The following IRAG2 variants were observed in gnomAD, a reference collection of about 807,000 sequenced individuals.
IRAG2 encodes the protein inositol 1,4,5-triphosphate receptor associated 2, also known as lymphoid restricted membrane protein.
Under a neutral mutation model 69.9 loss-of-function variants are expected in IRAG2, and 45 were observed. The ratio of observed to expected loss-of-function variants is 0.64; its 90% CI spans 0.51 to 0.83. IRAG2 has a LOEUF of 0.83. Ranked by LOEUF, IRAG2 falls within the 40% of genes least tolerant of loss-of-function variation. IRAG2 has a pLI of 0.00. For missense variants in IRAG2, 520 were observed against 587.0 expected, an observed-to-expected ratio of 0.89 and a Z score of 1.18; for synonymous variants, 193 against 202.4, an observed-to-expected ratio of 0.95 and a Z score of 0.40.
chr12:25,037,925 C>T (rs927350600), intron 15 of IRAG2: 6 of 398,060 alleles, frequency 1.5e-5, no homozygotes, highest in South Asian at 1.3e-4. Context: ...GTCATTTGTC[C>T]GTGTTTAACA....
the IRAG2 span, among the ~76,000 whole-genome samples, chr12:24,998,746 T>C: frequency 2.0e-5 from 3 of 152,192 alleles, no homozygotes; most frequent in Admixed American, 1.3e-4. Flanking sequence ...GGATCTCACA[T>C]AGATGAATCA....
At chr12:25,028,768 C>A (rs182645038) in intron 9 of IRAG2, among the ~76,000 whole-genome samples, 11 of 152,218 alleles carry the variant, frequency 7.2e-5, no homozygotes, top group Admixed American at 5.2e-4. Context: ...ACTTAAATTT[C>A]TACATTCTGA....
At chr12:25,069,221 T>C in intron 5 of IRAG2, 129 bp from the exon 6 acceptor site, 1 of 526,206 alleles carries the variant, frequency 1.9e-6, no homozygotes, top group Non-Finnish European at 3.4e-6. Context: ...ACTTAAACCA[T>C]GAACTTAATT....
chr12:25,005,015 T>A, intron 1 of IRAG2: 2 of 770,338 alleles, frequency 2.6e-6, no homozygotes, highest in East Asian at 6.8e-5. Context: ...TATTAAAGTT[T>A]GGATGGAATC....
intron 6 of IRAG2, among the ~76,000 whole-genome samples, chr12:25,070,311 T>A (rs540574815): frequency 1.4e-4 from 22 of 152,312 alleles, no homozygotes; most frequent in African/African-American, 5.1e-4. Flanking sequence ...ACCACTAATC[T>A]ACTTTCTGTC....
intron 5 of IRAG2, among the ~76,000 whole-genome samples, chr12:25,067,997 T>A (rs1006531485): frequency 6.6e-6 from 1 of 152,136 alleles, no homozygotes; most frequent in South Asian, 2.1e-4. Flanking sequence ...CTTGCCACCA[T>A]GCCCAGCTGA....
intron 2 of IRAG2, among the ~76,000 whole-genome samples, chr12:25,006,093 A>G (rs773298820): frequency 6.6e-6 from 1 of 152,258 alleles, no homozygotes; most frequent in Non-Finnish European, 1.5e-5. Flanking sequence ...TCTCAAAAGA[A>G]GACATACATG....
upstream of IRAG2, among the ~76,000 whole-genome samples, chr12:25,049,008 TTCCCATTGC>T (rs1201794286): frequency 6.6e-6 from 1 of 152,240 alleles, no homozygotes; most frequent in Non-Finnish European, 1.5e-5. Flanking sequence ...GCACCATTTA[TTCCCATTGC>T]TTGTTTTTGT....
At position 25,079,389 on chromosome 12, in the gene IRAG2, T is replaced by C; in HGVS notation, c.72-9T>C. The C allele has an allele frequency of 6.2e-7, 1 of 1,613,510 alleles. No individual in the cohort carries two copies. The highest frequency in any genetic ancestry group is 8.5e-7 in the Non-Finnish European group (1 of 1,179,454). On this transcript the variant is annotated splice_polypyrimidine_tract_variant and intron_variant, in intron 7 of 21. Transcript: ENST00000556887. ...ACATTCCAAAACATGTTTGCTATCT[T>C]TTTGGCAGGGAATATTCCTCACTAC... is the stretch of plus-strand genomic sequence containing the variant.
chr12:25,007,569 C>T (rs537609048), intron 2 of IRAG2, among the ~76,000 whole-genome samples: 2 of 152,120 alleles, frequency 1.3e-5, no homozygotes, highest in African/African-American at 2.4e-5. Context: ...TCACCTAGGC[C>T]GGAGTGCAGT....
intron 3 of IRAG2, among the ~76,000 whole-genome samples, chr12:25,013,212 C>G (rs113187722): frequency 0.055 from 8,339 of 152,172 alleles, 463 homozygotes; most frequent in African/African-American, 0.15. Context: ...GGTGGTGGCT[C>G]GTGCCTGTAA....
intron 14 of IRAG2, chr12:25,035,905 T>C (rs1464210222): frequency 2.5e-6 from 1 of 397,032 alleles, no homozygotes; most frequent in East Asian, 3.6e-5. Context: ...GAGACCCAAA[T>C]TAATACACTC....
intron 14 of IRAG2, chr12:25,092,888 C>A: frequency 6.3e-6 from 1 of 158,640 alleles, no homozygotes; most frequent in South Asian, 1.8e-4. Context: ...TCCTTAAGTT[C>A]ATAATATTTT....
At chr12:25,046,658 T>C (rs1944796993) in intron 16 of IRAG2, among the ~76,000 whole-genome samples, 1 of 151,908 alleles carries the variant, frequency 6.6e-6, no homozygotes, top group Non-Finnish European at 1.5e-5. Flanking sequence ...CTACAAAATA[T>C]TGATGAGAGA....
At chr12:25,088,190 CT>C (rs749194210) in intron 11 of IRAG2, 33 bp downstream of exon 11, 3 of 1,539,872 alleles carry the variant, frequency 1.9e-6, no homozygotes, top group Non-Finnish European at 2.7e-6. Context: ...CCCATGTGAA[CT>C]TTTGTTCTCT....
intron 5 of IRAG2, among the ~76,000 whole-genome samples, chr12:25,016,839 CAA>C (rs1366970008): frequency 6.6e-6 from 1 of 151,508 alleles, no homozygotes; most frequent in Non-Finnish European, 1.5e-5. Flanking sequence ...GTTTAGAAGA[CAA>C]ATGTTGAGAG....
intron 8 of IRAG2, among the ~76,000 whole-genome samples, chr12:25,026,359 C>G (rs1944621575): frequency 6.6e-6 from 1 of 152,036 alleles, no homozygotes; most frequent in South Asian, 2.1e-4. Context: ...TGCTAAGAAG[C>G]AGGAGTTAGG....
intron 15 of IRAG2, among the ~76,000 whole-genome samples, chr12:25,099,279 A>C (rs1948607793): frequency 6.6e-6 from 1 of 152,110 alleles, no homozygotes; most frequent in African/African-American, 2.4e-5. Flanking sequence ...CCCCCCACCA[A>C]ACCTACCCCA....
intron 2 of IRAG2, among the ~76,000 whole-genome samples, chr12:25,007,627 T>G (rs995573265): frequency 4.5e-4 from 69 of 152,206 alleles, no homozygotes; most frequent in Non-Finnish European, 4.0e-4. Context: ...GTTCAAGTGA[T>G]TCTCCTGCCT....
Sources: gnomAD v4.1 joint callset for allele counts (sites outside exome capture counted in the v4.1 genomes callset) on GRCh38, gnomAD v4.1.1 for gene constraint, MANE v1.5 for transcripts, NCBI Gene and HGNC (gene_info 2026-07-23, HGNC 2026-07-21) for gene names.